Variants in GRID2 observed in about 807,000 individuals in gnomAD.
GRID2 encodes the protein glutamate ionotropic receptor delta type subunit 2, also known as glutamate receptor ionotropic, delta-2.
A neutral mutation model predicts 114.8 loss-of-function variants in GRID2; 33 were observed. The observed-to-expected ratio is 0.29, with a 90% CI of 0.22 to 0.38. The LOEUF is 0.38. Among genes scored for constraint, GRID2 ranks in the 10% least tolerant of loss-of-function variants. The probability of loss-of-function intolerance (pLI) is 1.00; values close to 1 mark genes in which losing one functional copy is unlikely to be tolerated. For missense variants in GRID2, 1,184 were observed against 1,257.7 expected (o/e 0.94, Z 0.89); for synonymous variants, 505 against 449.9 (o/e 1.12, Z -1.55).
At chr4:92,316,953 T>A (rs941293477) in intron 1 of GRID2, among the ~76,000 whole-genome samples, 6 of 152,190 alleles carry the variant, frequency 3.9e-5, no homozygotes, top group Admixed American at 1.3e-4. Context: ...ATTATTTTAA[T>A]TCTTTTATTT....
chr4:92,574,011 T>C (rs1290962188), intron 1 of GRID2, among the ~76,000 whole-genome samples: 1 of 152,226 alleles, frequency 6.6e-6, no homozygotes, highest in East Asian at 1.9e-4. Flanking sequence ...CATATATATT[T>C]AAGATAGTTA....
intron 2 of GRID2, among the ~76,000 whole-genome samples, chr4:92,988,928 A>G (rs939713858): frequency 3.3e-5 from 5 of 152,164 alleles, no homozygotes; most frequent in Admixed American, 6.5e-5. Context: ...TGTGTTTCCT[A>G]TAATATTTTA....
At chr4:93,097,292 A>G (rs141744362) in intron 3 of GRID2, among the ~76,000 whole-genome samples, 62 of 152,094 alleles carry the variant, frequency 4.1e-4, no homozygotes, top group Non-Finnish European at 7.1e-4. Context: ...ATAAAAAATT[A>G]CAATATAGAA....
chr4:93,483,892 C>T (rs1316961286), intron 11 of GRID2, among the ~76,000 whole-genome samples: 1 of 151,812 alleles, frequency 6.6e-6, no homozygotes, highest in East Asian at 2.0e-4. Context: ...CATGAAGTAT[C>T]AGCCTAATTT....
chr4:92,630,319 A>C (rs72661986), intron 2 of GRID2, among the ~76,000 whole-genome samples: 2,351 of 152,176 alleles, frequency 0.015, 19 homozygotes, highest in Non-Finnish European at 0.023. Flanking sequence ...TTGCACATAT[A>C]ATGAGTTAGA....
chr4:92,371,290 T>G lies in GRID2; in HGVS notation c.88+66546T>G, dbSNP rs777434696. 2.4e-4 allele frequency among the ~76,000 whole-genome samples: 36 copies of G among 152,260 alleles called. 1 individual carries two copies. The highest frequency in any genetic ancestry group is 4.0e-4 in the Non-Finnish European group (27 of 68,010). On this transcript the variant is annotated intron_variant, in intron 1 of 15. Transcript: ENST00000282020. ...TACACTAAACAAGAGACTTTCCATG[T>G]AAAGCAAACATCTTCCTATTGGAAG...
chr4:92,878,861 AAATG>A (rs1325505149), intron 2 of GRID2, among the ~76,000 whole-genome samples: 2 of 152,160 alleles, frequency 1.3e-5, no homozygotes, highest in East Asian at 3.9e-4. Flanking sequence ...GCAAGAGTTC[AAATG>A]AGGATGAAAT....
At chr4:93,806,122 G>A (rs1009013243) in intron 1 of GRID2, among the ~76,000 whole-genome samples, 6 of 152,074 alleles carry the variant, frequency 3.9e-5, no homozygotes, top group South Asian at 2.1e-4. Flanking sequence ...AAAAAAAAGC[G>A]TATATTCATA....
At position 93,461,709 on chromosome 4, in the gene GRID2, A is replaced by G. The variant is rs78729748; in HGVS notation, c.1858+5735A>G. ...TCCATTATAGAGATAAACTCAGTAC[A>G]TCTGTTTGGCTGGAACATTAAGAGC... On this transcript the variant is annotated intron_variant, in intron 11 of 15. Coordinates refer to ENST00000282020, the MANE Select transcript of GRID2 (RefSeq NM_001510.4). Among the ~76,000 whole-genome samples, 447 of 152,276 alleles carry G rather than the reference A, an allele frequency of 2.9e-3. 7 individuals carry two copies. The East Asian group carries it at 0.039, about 13-fold the overall frequency.
At chr4:92,600,858 C>CAGG (rs1729186872) in intron 2 of GRID2, among the ~76,000 whole-genome samples, 1 of 152,356 alleles carries the variant, frequency 6.6e-6, no homozygotes, top group Non-Finnish European at 1.5e-5. Context: ...CTCACCCAGT[C>CAGG]AGGAGGCATA....
At chr4:93,299,538 T>C (rs1456536002) in intron 8 of GRID2, among the ~76,000 whole-genome samples, 2 of 105,950 alleles carry the variant, frequency 1.9e-5, no homozygotes, top group Non-Finnish European at 3.5e-5. Context: ...CATCACACAC[T>C]GGGGCCTGTT....
intron 13 of GRID2, among the ~76,000 whole-genome samples, chr4:93,619,062 G>A (rs900890475): frequency 1.3e-5 from 2 of 152,084 alleles, no homozygotes; most frequent in African/African-American, 4.8e-5. Context: ...AAAAGTTGAT[G>A]TTTATTTTAA....
At chr4:92,796,051 A>T (rs1739851653) in intron 2 of GRID2, among the ~76,000 whole-genome samples, 1 of 151,958 alleles carries the variant, frequency 6.6e-6, no homozygotes, top group Non-Finnish European at 1.5e-5. Context: ...GGATGGAATT[A>T]TGGATTTTTT....
chr4:93,194,160 G>A (rs1262209424), intron 4 of GRID2, among the ~76,000 whole-genome samples: 2 of 152,110 alleles, frequency 1.3e-5, no homozygotes, highest in African/African-American at 2.4e-5. Context: ...GGATATAATT[G>A]GTTGTCTATA....
At chr4:93,391,292 A>G (rs1312355874) in intron 8 of GRID2, among the ~76,000 whole-genome samples, 1 of 152,186 alleles carries the variant, frequency 6.6e-6, no homozygotes, top group African/African-American at 2.4e-5. Flanking sequence ...TCAACCTGCC[A>G]TATGTATTTT....
intron 4 of GRID2, among the ~76,000 whole-genome samples, chr4:93,189,394 A>G (rs1740751874): frequency 6.6e-6 from 1 of 152,078 alleles, no homozygotes; most frequent in Non-Finnish European, 1.5e-5. Context: ...CAGATCCCTC[A>G]CATTTGTTTA....
intron 2 of GRID2, among the ~76,000 whole-genome samples, chr4:93,076,483 AT>A (rs1729312593): frequency 6.6e-6 from 1 of 152,074 alleles, no homozygotes; most frequent in Non-Finnish European, 1.5e-5. Context: ...GAATTCTCTT[AT>A]ATTCTTTACA....
At chr4:92,350,291 T>G (rs1728001080) in intron 1 of GRID2, among the ~76,000 whole-genome samples, 1 of 151,876 alleles carries the variant, frequency 6.6e-6, no homozygotes, top group African/African-American at 2.4e-5. Flanking sequence ...GCCCAAAGGA[T>G]GTATTGTTAT....
At chr4:92,860,505 A>C (rs956592631) in intron 2 of GRID2, among the ~76,000 whole-genome samples, 4 of 152,120 alleles carry the variant, frequency 2.6e-5, no homozygotes, top group Non-Finnish European at 5.9e-5. Context: ...TTTCAAAGTA[A>C]ATATTGCCTA....
Sources: allele counts gnomAD v4.1 joint callset (sites outside exome capture counted in the v4.1 genomes callset), GRCh38; gene constraint gnomAD v4.1.1; transcripts MANE v1.5; gene names NCBI Gene and HGNC (gene_info 2026-07-23, HGNC 2026-07-21).